ASB13: variants seen among roughly 807,000 people sequenced by gnomAD.
ASB13 encodes ankyrin repeat and SOCS box containing 13.
Under a neutral mutation model 28.8 loss-of-function variants are expected in ASB13, and 33 were observed. That is an observed-to-expected ratio of 1.15 (90% CI 0.87 to 1.53). The LOEUF is 1.53. Ranked by LOEUF, ASB13 falls within the 40% of genes most tolerant of loss-of-function variation. The pLI, the probability that ASB13 is intolerant of heterozygous loss-of-function variation, is 0.00. For missense variants in ASB13, 414 were observed against 390.1 expected (o/e 1.06, Z -0.52); for synonymous variants, 182 against 172.9 (o/e 1.05, Z -0.41).
chr10:5,642,650 TG>T lies in ASB13; in HGVS notation c.518-690del. ...ATTAGTAGCTAAATATGGCTGGTTTTGGGTTTTTTTTTTTGAGACAGAGTCT... is the reference window on the plus strand; with the variant it reads ...ATTAGTAGCTAAATATGGCTGGTTTTGGTTTTTTTTTTTGAGACAGAGTCT... On this transcript the variant is annotated intron_variant, in intron 4 of 5. Transcript: ENST00000357700. The surrounding 1 kb of genome is among the most constrained non-coding windows in gnomAD (Gnocchi z 4.1). The T allele has an allele frequency of 2.2e-6, 1 of 447,206 alleles. No homozygotes were observed. Among genetic ancestry groups the T allele is most frequent in the Non-Finnish European group, 3.4e-6 (1 of 296,732 alleles). The allele number at this position is 447,206 out of a possible 1,614,324, so 27.7% of individuals were successfully genotyped here. A position where few individuals can be genotyped will look rare whatever the true frequency, so the allele number is the denominator to read the frequency against.
rs1834805395 is a variant in ASB13, at chr10:5,641,322, G to C, written c.709+448C>G. On this transcript the variant is annotated intron_variant, in intron 5 of 5. Coordinates refer to ENST00000357700, the MANE Select transcript of ASB13 (RefSeq NM_024701.4). The surrounding 1 kb of genome is among the most constrained non-coding windows in gnomAD (Gnocchi z 8.4). ...TCATCAAGTTGGCCAGGCTGGTTTCGAACTCCTGACCTCAGGTGATCTGCC... is the reference window on the plus strand; with the variant it reads ...TCATCAAGTTGGCCAGGCTGGTTTCCAACTCCTGACCTCAGGTGATCTGCC... Among the ~76,000 whole-genome samples, 1 of 152,066 alleles carries C rather than the reference G, an allele frequency of 6.6e-6. No homozygotes were observed. Among genetic ancestry groups the C allele is most frequent in the Admixed American group, 6.5e-5 (1 of 15,270 alleles).
Position 5,652,844 on chromosome 10 carries a change from G to A in ASB13, c.231+19C>T, listed in dbSNP as rs1835007668. On this transcript the variant is annotated intron_variant, in intron 2 of 5. Coordinates refer to ENST00000357700, the MANE Select transcript of ASB13 (RefSeq NM_024701.4). This position sits in a 1 kb window ranked among gnomAD's most constrained non-coding sequence, Gnocchi z 5.0. ...GCAGCTGCAGCCAGTCTGGGGGTCT[G>A]CCCTGAAGGGCCACTCACCTGGGCC... is the stretch of plus-strand genomic sequence containing the variant. 2 of 1,515,980 alleles carry A rather than the reference G, an allele frequency of 1.3e-6. No individual in the cohort carries two copies. The highest frequency in any genetic ancestry group is 1.8e-6 in the Non-Finnish European group (2 of 1,130,250). The allele number at this position is 1,515,980 out of a possible 1,614,324, so 93.9% of individuals were successfully genotyped here.
rs1834975848 is a variant in ASB13 at position 5,651,027 on chromosome 10, A to T, written c.382+186T>A. On this transcript the variant is annotated intron_variant, in intron 3 of 5. Coordinates refer to ENST00000357700, the MANE Select transcript of ASB13 (RefSeq NM_024701.4). This position sits in a 1 kb window ranked among gnomAD's most constrained non-coding sequence, Gnocchi z 5.1. Reference sequence around the variant, plus strand: ...ACCCCAGCCCTGGACGAAGACCTCAAGAAGGGAAAGCTTAGAATCTCTGCA... The same window carrying T: ...ACCCCAGCCCTGGACGAAGACCTCATGAAGGGAAAGCTTAGAATCTCTGCA... Among the ~76,000 whole-genome samples the T allele has an allele frequency of 6.6e-6, 1 of 152,226 alleles. No homozygotes were observed. Among genetic ancestry groups the T allele is most frequent in the African/African-American group, 2.4e-5 (1 of 41,466 alleles).
At chr10:5,662,628 G>GAAGAGAAGAGAA (rs1564223033) in intron 1 of ASB13, among the ~76,000 whole-genome samples, 2 of 148,806 alleles carry the variant, frequency 1.3e-5, no homozygotes, top group African/African-American at 4.9e-5. Flanking sequence ...GAAGAGAAGA[G>GAAGAGAAGAGAA]AAGAGAAGAG....
At position 5,645,149 on chromosome 10, in the gene ASB13, C is replaced by T. The variant is rs10795802; in HGVS notation, c.518-3188G>A. The stretch of plus-strand genomic sequence containing the variant: ...ACCCGTGGCCAGTGACGTGACGGGA[C>T]CGCCTAAGACCTTAGCACGCCAAGA... On this transcript the variant is annotated intron_variant, in intron 4 of 5. Coordinates refer to ENST00000357700, the MANE Select transcript of ASB13 (RefSeq NM_024701.4). The surrounding 1 kb of genome is among the most constrained non-coding windows in gnomAD (Gnocchi z 5.4). Among the ~76,000 whole-genome samples the T allele has an allele frequency of 0.22, 33,989 of 151,760 alleles. 4,139 individuals carry two copies. Among genetic ancestry groups the T allele is most frequent in the Admixed American group, 0.31 (4,688 of 15,252 alleles).
rs766777392 is a variant in ASB13 at position 5,650,609 on chromosome 10, T to G, written c.382+604A>C. On this transcript the variant is annotated intron_variant, in intron 3 of 5. Transcript: ENST00000357700. This position sits in a 1 kb window ranked among gnomAD's most constrained non-coding sequence, Gnocchi z 6.0. ...AACTCCTTAGTCTGTCATTTAAACATCTTCCCACCAGCTGGTCTCACCCTA... is the reference window on the plus strand; with the variant it reads ...AACTCCTTAGTCTGTCATTTAAACAGCTTCCCACCAGCTGGTCTCACCCTA... Among the ~76,000 whole-genome samples the G allele has an allele frequency of 1.3e-5, 2 of 152,270 alleles. No individual in the cohort carries two copies. The highest frequency in any genetic ancestry group is 2.4e-5 in the African/African-American group (1 of 41,482).
chr10:5,646,256 G>A (rs774743016), intron 4 of ASB13, among the ~76,000 whole-genome samples: 13 of 152,322 alleles, frequency 8.5e-5, no homozygotes, highest in Admixed American at 5.9e-4. Context: ...GGGGGCGGGA[G>A]CAGACCTGAC....
rs754063439 is a variant in ASB13 at position 5,642,468 on chromosome 10, C to G, written c.518-507G>C. 7.7e-6 allele frequency: 9 copies of G among 1,175,932 alleles called. No individual in the cohort carries two copies. Among genetic ancestry groups the G allele is most frequent in the Non-Finnish European group, 9.6e-6 (9 of 935,924 alleles). The allele number at this position is 1,175,932 out of a possible 1,614,324, so 72.8% of individuals were successfully genotyped here. A position where few individuals can be genotyped will look rare whatever the true frequency, so the allele number is the denominator to read the frequency against. On this transcript the variant is annotated intron_variant, in intron 4 of 5. Coordinates refer to ENST00000357700, the MANE Select transcript of ASB13 (RefSeq NM_024701.4). The surrounding 1 kb of genome is among the most constrained non-coding windows in gnomAD (Gnocchi z 4.1). ...TCTTTTACAAAAGGAAAACAGATAA[C>G]GTACCCAAAACAGTAGGCAATTCAG...
rs1198975074 is a variant in ASB13, at chr10:5,655,903, G to A, written c.44-2853C>T. On this transcript the variant is annotated intron_variant, in intron 1 of 5. Transcript: ENST00000357700. The surrounding 1 kb of genome is among the most constrained non-coding windows in gnomAD (Gnocchi z 6.2). The stretch of plus-strand genomic sequence containing the variant: ...CCCGACGTGCCTCCATTCACAAGAC[G>A]TCCAGGTGGATTTAGCGTCTTCCGC... Among the ~76,000 whole-genome samples the A allele has an allele frequency of 2.0e-5, 3 of 152,222 alleles. No individual in the cohort carries two copies. The highest frequency in any genetic ancestry group is 6.5e-5 in the Admixed American group (1 of 15,288).
At chr10:5,666,451 C>T in intron 1 of ASB13, 58 bp downstream of exon 1, 2 of 1,253,636 alleles carry the variant, frequency 1.6e-6, no homozygotes, top group Non-Finnish European at 1.0e-6. Flanking sequence ...GGATACGCGG[C>T]CGGCCTCAGG....
rs897184042 is a variant in ASB13, at chr10:5,651,107, G to T, written c.382+106C>A. 49 of 1,386,754 alleles carry T rather than the reference G, an allele frequency of 3.5e-5. No homozygotes were observed. The highest frequency in any genetic ancestry group is 2.5e-5 in the Admixed American group (1 of 40,786). The allele number at this position is 1,386,754 out of a possible 1,614,324, so 85.9% of individuals were successfully genotyped here. A position where few individuals can be genotyped will look rare whatever the true frequency, so the allele number is the denominator to read the frequency against. ...CAGAACTCTCCTTCACCAGCCAAGGGCTCCCAATTCTGTCTACTCTGCTTC... is the reference window on the plus strand; with the variant it reads ...CAGAACTCTCCTTCACCAGCCAAGGTCTCCCAATTCTGTCTACTCTGCTTC... On this transcript the variant is annotated intron_variant, in intron 3 of 5. Coordinates refer to ENST00000357700, the MANE Select transcript of ASB13 (RefSeq NM_024701.4). This position sits in a 1 kb window ranked among gnomAD's most constrained non-coding sequence, Gnocchi z 5.1.
At position 5,652,823 on chromosome 10, in the gene ASB13, C is replaced by T. The variant is rs1448072600; in HGVS notation, c.231+40G>A. The T allele has an allele frequency of 2.0e-6, 3 of 1,476,666 alleles. No individual in the cohort carries two copies. Among genetic ancestry groups the T allele is most frequent in the East Asian group, 5.0e-5 (2 of 40,364 alleles). The allele number at this position is 1,476,666 out of a possible 1,614,324, so 91.5% of individuals were successfully genotyped here. A position where few individuals can be genotyped will look rare whatever the true frequency, so the allele number is the denominator to read the frequency against. On this transcript the variant is annotated intron_variant, in intron 2 of 5. Transcript: ENST00000357700. The surrounding 1 kb of genome is among the most constrained non-coding windows in gnomAD (Gnocchi z 5.0). ...GAGTCAACCTCCTCCATTCTGGCAG[C>T]TGCAGCCAGTCTGGGGGTCTGCCCT...
chr10:5,659,826 C>T lies in ASB13; in HGVS notation c.43+6683G>A, dbSNP rs1835131995. Among the ~76,000 whole-genome samples the T allele has an allele frequency of 6.6e-6, 1 of 152,158 alleles. No individual in the cohort carries two copies. The highest frequency in any genetic ancestry group is 6.5e-5 in the Admixed American group (1 of 15,278). ...CAGGTATCTGAATGAATAAGCACTCCCCAGACGCATCTTCCCCTGCCAGAC... is the reference window on the plus strand; with the variant it reads ...CAGGTATCTGAATGAATAAGCACTCTCCAGACGCATCTTCCCCTGCCAGAC... On this transcript the variant is annotated intron_variant, in intron 1 of 5. Coordinates refer to ENST00000357700, the MANE Select transcript of ASB13 (RefSeq NM_024701.4). This position sits in a 1 kb window ranked among gnomAD's most constrained non-coding sequence, Gnocchi z 5.8.
rs138123142 is a variant in ASB13 at position 5,644,242 on chromosome 10, T to C, written c.518-2281A>G. Among the ~76,000 whole-genome samples, 102 of 152,210 alleles carry C rather than the reference T, an allele frequency of 6.7e-4. No homozygotes were observed. In the Middle Eastern group the frequency reaches 0.024, roughly 36 times the overall value. ...AGGTACAGGGCTCACGCCTGTAATC[T>C]CAGCACTTTGGGAATTCGAGGCGAG... On this transcript the variant is annotated intron_variant, in intron 4 of 5. Coordinates refer to ENST00000357700, the MANE Select transcript of ASB13 (RefSeq NM_024701.4). This position sits in a 1 kb window ranked among gnomAD's most constrained non-coding sequence, Gnocchi z 5.1.
At chr10:5,647,912 T>TC (rs1834909718) in intron 4 of ASB13, among the ~76,000 whole-genome samples, 1 of 152,134 alleles carries the variant, frequency 6.6e-6, no homozygotes, top group Admixed American at 6.5e-5. Context: ...TGCAAGTATA[T>TC]ACCCATTCAG....
chr10:5,640,453 G>A lies in ASB13; in HGVS notation c.*250C>T, dbSNP rs897330514. ...CTGGATGGTTGGGCCCATGCCCATT[G>A]AGAGGGTAGGTTCTGTAGAACAGCG... On this transcript the variant is annotated 3_prime_UTR_variant, in exon 6 of 6. Transcript: ENST00000357700. 1.8e-5 allele frequency: 8 copies of A among 443,290 alleles called. No individual in the cohort carries two copies. The highest frequency in any genetic ancestry group is 3.2e-5 in the Non-Finnish European group (8 of 246,432). The allele number at this position is 443,290 out of a possible 1,614,324, so 27.5% of individuals were successfully genotyped here. A position where few individuals can be genotyped will look rare whatever the true frequency, so the allele number is the denominator to read the frequency against.
intron 1 of ASB13, among the ~76,000 whole-genome samples, chr10:5,665,569 GCAGA>G (rs1835245774): frequency 9.2e-5 from 14 of 152,292 alleles, no homozygotes; most frequent in Non-Finnish European, 1.8e-4. Context: ...CTAATCAAAT[GCAGA>G]TCACAGTGTC....
chr10:5,666,447 G>A, intron 1 of ASB13, 62 bp downstream of exon 1: 1 of 1,242,648 alleles, frequency 8.0e-7, no homozygotes, highest in African/African-American at 1.6e-5. Flanking sequence ...CATCGGATAC[G>A]CGGCCGGCCT....
Position 5,666,507 on chromosome 10 carries a change from AC to A in ASB13, c.43+1del. ...TCTGACCTCCGCGGCGCCCGCACGT[AC>A]CCACGTCGCCCAGGAAGCAGCCGTC... On this transcript the variant is annotated splice_donor_variant, in intron 1 of 5. Transcript: ENST00000357700. LOFTEE classifies it high-confidence loss of function. 1 of 1,289,744 alleles carries A rather than the reference AC, an allele frequency of 7.8e-7. No homozygotes were observed. The highest frequency in any genetic ancestry group is 9.9e-7 in the Non-Finnish European group (1 of 1,013,828). 79.9% of individuals were successfully genotyped at this position (1,289,744 alleles called of 1,614,324 possible). A position where few individuals can be genotyped will look rare whatever the true frequency, so the allele number is the denominator to read the frequency against.
Sources: gnomAD v4.1 joint callset for allele counts (sites outside exome capture counted in the v4.1 genomes callset) on GRCh38, gnomAD v4.1.1 for gene constraint, Gnocchi (gnomAD v3.1) non-coding constraint, MANE v1.5 for transcripts, NCBI Gene and HGNC (gene_info 2026-07-23, HGNC 2026-07-21) for gene names.